COBL: variants seen among roughly 807,000 people sequenced by gnomAD.
COBL encodes the protein protein cordon-bleu.
A neutral mutation model predicts 98.8 loss-of-function variants in COBL; 51 were observed. The ratio of observed to expected loss-of-function variants is 0.52; its 90% CI spans 0.41 to 0.65. COBL has a LOEUF of 0.65. Ranked by LOEUF, COBL falls within the 30% of genes least tolerant of loss-of-function variation. COBL has a pLI of 0.00. For synonymous variants in COBL, 634 were observed against 651.7 expected, an observed-to-expected ratio of 0.97 and a Z score of 0.41; for missense variants, 1,617 against 1,617.5, an observed-to-expected ratio of 1.00 and a Z score of 0.01.
chr7:51,121,935 T>C (rs1229902070), intron 6 of COBL, among the ~76,000 whole-genome samples: 1 of 152,038 alleles, frequency 6.6e-6, no homozygotes, highest in African/African-American at 2.4e-5. Context: ...AGTGACAAAG[T>C]ATGACGAAGT....
intron 5 of COBL, among the ~76,000 whole-genome samples, chr7:51,179,048 C>T (rs1297595084): frequency 6.6e-6 from 1 of 152,196 alleles, no homozygotes; most frequent in Non-Finnish European, 1.5e-5. Context: ...TGACAAACTT[C>T]CTAAAATGAA....
chr7:51,193,050 C>T (rs964445204), intron 3 of COBL, among the ~76,000 whole-genome samples: 1 of 152,184 alleles, frequency 6.6e-6, no homozygotes, highest in Non-Finnish European at 1.5e-5. Flanking sequence ...AAAAAAGCTG[C>T]ATGCAGCCAG....
intron 2 of COBL, among the ~76,000 whole-genome samples, chr7:51,212,559 A>G (rs1792556650): frequency 6.6e-6 from 1 of 152,142 alleles, no homozygotes; most frequent in South Asian, 2.1e-4. Context: ...GTGGAAATGG[A>G]CTGAAAAATA....
At chr7:51,132,679 GT>G (rs1160798177) in intron 6 of COBL, among the ~76,000 whole-genome samples, 1 of 152,168 alleles carries the variant, frequency 6.6e-6, no homozygotes, top group African/African-American at 2.4e-5. Flanking sequence ...AAGAAAAAGG[GT>G]TTAATTGGCT....
chr7:51,270,197 T>C (rs902089857), intron 1 of COBL, among the ~76,000 whole-genome samples: 1 of 152,176 alleles, frequency 6.6e-6, no homozygotes, highest in Non-Finnish European at 1.5e-5. Context: ...AAATGCACCC[T>C]TTTAAGAGGG....
intron 5 of COBL, chr7:51,156,132 G>C: frequency 2.0e-6 from 2 of 977,208 alleles, no homozygotes; most frequent in Non-Finnish European, 2.4e-6. Flanking sequence ...AAATATCAAA[G>C]ACAGTCCACT....
rs71018490 is a variant in COBL at position 51,018,905 on chromosome 7, AATATATATATATATATATATATATATAT to A, written c.3769-1365_3769-1338del. ...AAACTCCATCTCAAAAAAAAAAAAA[AATATATATATATATATATATATATATAT>A]ATATATATATATATATATATGATTT... is the stretch of plus-strand genomic sequence containing the variant. On this transcript the variant is annotated intron_variant, in intron 12 of 12. Coordinates refer to ENST00000265136, the MANE Select transcript of COBL (RefSeq NM_015198.5). Among the ~76,000 whole-genome samples the A allele has an allele frequency of 1.2e-3, 42 of 34,430 alleles. 8 individuals are homozygous for A. Among genetic ancestry groups the A allele is most frequent in the East Asian group, 3.8e-3 (3 of 786 alleles). The allele number at this position is 34,430 out of a possible 152,430, so 22.6% of individuals were successfully genotyped here. A position where few individuals can be genotyped will look rare whatever the true frequency, so the allele number is the denominator to read the frequency against.
chr7:51,219,671 C>T lies in COBL; in HGVS notation c.245+70G>A. On this transcript the variant is annotated intron_variant, in intron 2 of 12. Coordinates refer to ENST00000265136, the MANE Select transcript of COBL (RefSeq NM_015198.5). ...GAGGAAAATGCAATACATCAACATC[C>T]GCCTTTCCATTCTCCCCGCTATACT... 31 of 1,500,564 alleles carry T rather than the reference C, an allele frequency of 2.1e-5. No homozygotes were observed. In the South Asian group the frequency reaches 3.1e-4, roughly 15 times the overall value. 93.0% of individuals were successfully genotyped at this position (1,500,564 alleles called of 1,614,324 possible).
intron 12 of COBL, among the ~76,000 whole-genome samples, chr7:51,019,018 C>G (rs1470142287): frequency 7.0e-6 from 1 of 143,550 alleles, no homozygotes; most frequent in Non-Finnish European, 1.5e-5. Context: ...TGTGGTACAA[C>G]ACAATTTGTC....
At chr7:51,114,535 C>T (rs1340346526) in intron 6 of COBL, among the ~76,000 whole-genome samples, 1 of 152,146 alleles carries the variant, frequency 6.6e-6, no homozygotes, top group East Asian at 1.9e-4. Context: ...GACAGTAAAT[C>T]TGGAGAGAGA....
At chr7:51,114,348 G>A (rs1156968164) in intron 6 of COBL, among the ~76,000 whole-genome samples, 1 of 148,980 alleles carries the variant, frequency 6.7e-6, no homozygotes, top group African/African-American at 2.5e-5. Context: ...CAAATTCTGA[G>A]GGCTGGTTCT....
intron 1 of COBL, among the ~76,000 whole-genome samples, chr7:51,269,315 C>A (rs1406956522): frequency 1.3e-5 from 2 of 152,182 alleles, no homozygotes; most frequent in Non-Finnish European, 2.9e-5. Flanking sequence ...GATGCATCCA[C>A]ACAGGGGACA....
intron 1 of COBL, among the ~76,000 whole-genome samples, chr7:51,232,489 C>T (rs1379138333): frequency 3.3e-5 from 5 of 151,956 alleles, no homozygotes; most frequent in Non-Finnish European, 7.4e-5. Flanking sequence ...TGAGATTCAG[C>T]CAGCAGGGGG....
intron 1 of COBL, among the ~76,000 whole-genome samples, chr7:51,247,863 G>A (rs1796389324): frequency 6.6e-6 from 1 of 152,204 alleles, no homozygotes; most frequent in Non-Finnish European, 1.5e-5. Context: ...AATGGCTCAT[G>A]TCTGTAATTC....
In COBL at chr7:51,219,811, T is replaced by C. The variant is rs766652765; in HGVS notation, c.175A>G (p.Arg59Gly). The C allele has an allele frequency of 6.2e-7, 1 of 1,614,118 alleles. No homozygotes were observed. Among genetic ancestry groups the C allele is most frequent in the Non-Finnish European group, 8.5e-7 (1 of 1,180,040 alleles). Reference protein sequence around the residue: ...QNLVRMKEALRASTMDVTVVL... With the variant: ...QNLVRMKEALGASTMDVTVVL... ...ACGGTGACGTCCATGGTGCTGGCCC[T>C]CAGCGCCTCCTTCATGCGAACCAAG... The change falls in exon 2 of 13, where the codon AGG (arginine) becomes GGG (glycine). Residue 59 changes from arginine (R) to glycine (G), a missense_variant. Physicochemically the swap from Arg to Gly is moderately radical, Grantham distance 125. Transcript: ENST00000265136.
At chr7:51,220,975 A>G (rs575721393) in intron 1 of COBL, among the ~76,000 whole-genome samples, 9 of 152,322 alleles carry the variant, frequency 5.9e-5, no homozygotes, top group African/African-American at 1.9e-4. Context: ...CTTACTTTAT[A>G]TAGGCCCTGG....
rs1022418569 is a variant in COBL, at chr7:51,177,771, CAAAAAAAT to C, written c.783+6323_783+6330del. Among the ~76,000 whole-genome samples, 18 of 97,976 alleles carry C rather than the reference CAAAAAAAT, an allele frequency of 1.8e-4. No individual in the cohort carries two copies. The South Asian group carries it at 2.6e-3, about 14-fold the overall frequency. The allele number at this position is 97,976 out of a possible 152,430, so 64.3% of individuals were successfully genotyped here. On this transcript the variant is annotated intron_variant, in intron 5 of 12. Transcript: ENST00000265136. Reference sequence around the variant, plus strand: ...CTGGGCGACAGAGAGGACTCTGTCTCAAAAAAATAAATAAATAAATAAATAAATAAATA... The same window carrying C: ...CTGGGCGACAGAGAGGACTCTGTCTCAAATAAATAAATAAATAAATAAATA...
At chr7:51,128,550 TG>T (rs1562944409) in intron 6 of COBL, among the ~76,000 whole-genome samples, 2 of 152,136 alleles carry the variant, frequency 1.3e-5, no homozygotes, top group Non-Finnish European at 1.5e-5. Flanking sequence ...GAGCAGGTGC[TG>T]AAGAATCCTC....
intron 1 of COBL, among the ~76,000 whole-genome samples, chr7:51,306,245 T>C (rs1017967898): frequency 6.6e-6 from 1 of 152,106 alleles, no homozygotes; most frequent in Non-Finnish European, 1.5e-5. Context: ...TGGAGGGTGC[T>C]GGCCTCTAGA....
Sources: gnomAD v4.1 joint callset for allele counts (sites outside exome capture counted in the v4.1 genomes callset) on GRCh38, gnomAD v4.1.1 for gene constraint, MANE v1.5 for transcripts, NCBI Gene and HGNC (gene_info 2026-07-23, HGNC 2026-07-21) for gene names.